FUBP1: variants seen among roughly 807,000 people sequenced by gnomAD.
FUBP1 encodes the protein far upstream element binding protein 1.
Under a neutral mutation model 94.9 loss-of-function variants are expected in FUBP1, and 16 were observed. The observed-to-expected ratio is 0.17, with a 90% CI of 0.11 to 0.26. The LOEUF is 0.26. Among genes scored for constraint, FUBP1 ranks in the 10% least tolerant of loss-of-function variants. The pLI is 1.00. For synonymous variants in FUBP1, 279 were observed against 254.9 expected (o/e 1.09, Z -0.90); for missense variants, 583 against 808.6 (o/e 0.72, Z 3.38).
chr1:77,968,177 G>T lies in FUBP1; in HGVS notation c.238C>A (p.Pro80Thr). The change falls in exon 3 of 20, where the codon CCT (proline) becomes ACT (threonine). Residue 80 changes from proline to threonine, a missense_variant. Coordinates refer to ENST00000370768, the MANE Select transcript of FUBP1 (RefSeq NM_003902.5). ...AAGGAATACTTACAGTCATTTTGAG[G>T]AGCAACTTTCTTAGCATCTGGTTGA... ...GDQPDAKKVA[P>T]QNDSFGTQLP... 1 of 1,537,834 alleles carries T rather than the reference G, an allele frequency of 6.5e-7. No homozygotes were observed. Among genetic ancestry groups the T allele is most frequent in the South Asian group, 1.2e-5 (1 of 80,308 alleles).
intron 2 of FUBP1, among the ~76,000 whole-genome samples, chr1:77,969,697 T>C (rs1657154617): frequency 6.6e-6 from 1 of 152,130 alleles, no homozygotes. Flanking sequence ...TAAATTGTTT[T>C]CTATTAAGAC....
chr1:77,951,843 C>T (rs1458216658), intron 18 of FUBP1, among the ~76,000 whole-genome samples: 1 of 152,170 alleles, frequency 6.6e-6, no homozygotes, highest in Non-Finnish European at 1.5e-5. Flanking sequence ...TCCCATATAA[C>T]TGTACCTTTC....
intron 18 of FUBP1, among the ~76,000 whole-genome samples, chr1:77,953,105 GGA>G (rs1343850109): frequency 6.6e-6 from 1 of 151,830 alleles, no homozygotes; most frequent in Non-Finnish European, 1.5e-5. Flanking sequence ...CATTGCTTGG[GGA>G]GTAAGACCAA....
chr1:77,965,636 ATTC>A (rs2102407495), intron 7 of FUBP1, among the ~76,000 whole-genome samples: 1 of 152,364 alleles, frequency 6.6e-6, no homozygotes, highest in East Asian at 1.9e-4. Flanking sequence ...TGCAGGTGCT[ATTC>A]TAGGTAATGG....
chr1:77,953,943 C>T (rs1653974775), intron 18 of FUBP1, among the ~76,000 whole-genome samples: 1 of 152,206 alleles, frequency 6.6e-6, no homozygotes, highest in Admixed American at 6.5e-5. Context: ...TAACTAGGGA[C>T]CCTATCTAGG....
intron 19 of FUBP1, 62 bp from the exon 20 acceptor site, chr1:77,948,836 T>A (rs1441224638): frequency 6.2e-7 from 1 of 1,603,000 alleles, no homozygotes; most frequent in South Asian, 1.1e-5. Context: ...GAAATGGAGC[T>A]AATTCAGGAG....
chr1:77,977,103 G>T (rs1226614642), intron 1 of FUBP1, among the ~76,000 whole-genome samples: 1 of 152,190 alleles, frequency 6.6e-6, no homozygotes, highest in Non-Finnish European at 1.5e-5. Context: ...TCCATATTTT[G>T]TCTGCTCTCG....
At chr1:77,979,256 G>A (rs926494837), upstream of FUBP1, 4 of 467,134 alleles carry the variant, frequency 8.6e-6, no homozygotes, top group Non-Finnish European at 7.7e-6. Flanking sequence ...CGCGAGAACA[G>A]AATTTCTTTT....
In FUBP1 at chr1:77,964,744, C is replaced by T; in HGVS notation, c.739G>A (p.Ala247Thr). The change falls in exon 10 of 20, where the codon GCC becomes ACC. Residue 247 changes from alanine to threonine, a missense_variant. Transcript: ENST00000370768. Reference sequence around the variant, plus strand: ...ATTAACTCTAACACCATTTCCTTGGCTTGCTAAAGCAGAAAAAGTTAGCTA... The same window carrying T: ...ATTAACTCTAACACCATTTCCTTGGTTTGCTAAAGCAGAAAAAGTTAGCTA... ...ITGDPYKVQQAKEMVLELIRD... is the reference protein window; with the variant it reads ...ITGDPYKVQQTKEMVLELIRD... 1 of 1,608,990 alleles carries T rather than the reference C, an allele frequency of 6.2e-7. No homozygotes were observed.
intron 18 of FUBP1, among the ~76,000 whole-genome samples, chr1:77,951,654 T>C (rs1653492894): frequency 1.3e-5 from 2 of 152,212 alleles, no homozygotes; most frequent in African/African-American, 4.8e-5. Context: ...TAGTTGAGTT[T>C]ATACTTCAGT....
At chr1:77,977,451 G>A (rs528763478) in intron 1 of FUBP1, among the ~76,000 whole-genome samples, 2 of 152,280 alleles carry the variant, frequency 1.3e-5, no homozygotes, top group South Asian at 2.1e-4. Flanking sequence ...GCTTGAAGCC[G>A]GGAGGCAGAG....
In FUBP1 at chr1:77,946,239, G is replaced by A. The variant is rs1652134773; in HGVS notation, c.*2527C>T. On this transcript the variant is annotated 3_prime_UTR_variant, in exon 20 of 20. Coordinates refer to ENST00000370768, the MANE Select transcript of FUBP1 (RefSeq NM_003902.5). The stretch of plus-strand genomic sequence containing the variant: ...TCTTAATATTAACACTTCTATATTT[G>A]GGGAAAAAATACAAAAAGATTTGGA... 6.6e-6 allele frequency among the ~76,000 whole-genome samples: 1 copy of A among 151,252 alleles called. No individual in the cohort carries two copies. The highest frequency in any genetic ancestry group is 2.1e-4 in the South Asian group (1 of 4,806).
intron 16 of FUBP1, among the ~76,000 whole-genome samples, chr1:77,958,880 C>T (rs1214241908): frequency 1.3e-5 from 2 of 152,156 alleles, no homozygotes; most frequent in Admixed American, 1.3e-4. Context: ...GAAAGAAAAG[C>T]CCTTTCATTC....
chr1:77,949,381 T>G, intron 18 of FUBP1, 81 bp from the exon 19 acceptor site: 1 of 1,119,746 alleles, frequency 8.9e-7, no homozygotes, highest in Non-Finnish European at 1.3e-6. Flanking sequence ...ATACCTTGCT[T>G]CTTGTAATAT....
chr1:77,948,603 T>TG lies in FUBP1; in HGVS notation c.*162dup. ...AGAAATATTAACCTCCTATCAGTAG[T>TG]GATAGATATTTTGTACATTTTCAAA... On this transcript the variant is annotated 3_prime_UTR_variant, in exon 20 of 20. Coordinates refer to ENST00000370768, the MANE Select transcript of FUBP1 (RefSeq NM_003902.5). 1 of 1,342,724 alleles carries TG rather than the reference T, an allele frequency of 7.4e-7. No homozygotes were observed. Among genetic ancestry groups the TG allele is most frequent in the Non-Finnish European group, 9.7e-7 (1 of 1,032,048 alleles). The allele number at this position is 1,342,724 out of a possible 1,614,324, so 83.2% of individuals were successfully genotyped here.
At chr1:77,978,842 T>C (rs758212399) in intron 1 of FUBP1, 43 bp downstream of exon 1, 2 of 1,612,696 alleles carry the variant, frequency 1.2e-6, no homozygotes, top group Non-Finnish European at 1.7e-6. Flanking sequence ...CAGCGGCCAA[T>C]TACCGTGAGC....
At chr1:77,970,353 G>C (rs1202250914) in intron 1 of FUBP1, among the ~76,000 whole-genome samples, 1 of 152,170 alleles carries the variant, frequency 6.6e-6, no homozygotes, top group African/African-American at 2.4e-5. Flanking sequence ...TAAACACATA[G>C]AATGTGAACA....
intron 1 of FUBP1, among the ~76,000 whole-genome samples, chr1:77,971,484 T>A (rs889169363): frequency 6.6e-6 from 1 of 152,090 alleles, no homozygotes; most frequent in Non-Finnish European, 1.5e-5. Flanking sequence ...AGTCTATGTA[T>A]CAGTTCCCAT....
chr1:77,952,035 G>A (rs1393961011), intron 18 of FUBP1, among the ~76,000 whole-genome samples: 3 of 151,890 alleles, frequency 2.0e-5, no homozygotes, highest in African/African-American at 7.3e-5. Context: ...TCTCTTAAGG[G>A]TCTTAAAAAA....
Sources: gnomAD v4.1 joint callset for allele counts (sites outside exome capture counted in the v4.1 genomes callset) on GRCh38, gnomAD v4.1.1 for gene constraint, MANE v1.5 for transcripts, NCBI Gene and HGNC (gene_info 2026-07-23, HGNC 2026-07-21) for gene names.